The following MCTP2 variants were observed in gnomAD, a reference collection of about 807,000 sequenced individuals.
MCTP2 encodes multiple C2 and transmembrane domain-containing protein 2.
In MCTP2, 132 loss-of-function variants were observed where a neutral mutation model predicts 111.6. The observed-to-expected ratio is 1.18, with a 90% CI of 1.03 to 1.37. The LOEUF is 1.37. Ranked by LOEUF, MCTP2 falls within the 40% of genes most tolerant of loss-of-function variation. The pLI, the probability that MCTP2 is intolerant of heterozygous loss-of-function variation, is 0.00. For synonymous variants in MCTP2, 395 were observed against 387.7 expected (o/e 1.02, Z -0.22); for missense variants, 1,183 against 1,067.9 (o/e 1.11, Z -1.50).
chr15:94,243,188 C>T (rs1331237269), intron 1 of MCTP2, among the ~76,000 whole-genome samples: 4 of 146,516 alleles, frequency 2.7e-5, no homozygotes, highest in East Asian at 2.1e-4. Flanking sequence ...TGTACGTATG[C>T]GTATATACGT....
At chr15:94,294,941 C>CTTTTTTTTTT (rs71133001) in intron 1 of MCTP2, among the ~76,000 whole-genome samples, 1 of 73,988 alleles carries the variant, frequency 1.4e-5, no homozygotes, top group Non-Finnish European at 2.4e-5. Context: ...TTTTCTTTTC[C>CTTTTTTTTTT]TTTTTTTTTT....
intron 2 of MCTP2, among the ~76,000 whole-genome samples, chr15:94,305,880 T>C (rs1053059196): frequency 6.6e-6 from 1 of 152,154 alleles, no homozygotes; most frequent in Non-Finnish European, 1.5e-5. Flanking sequence ...ATTTTTTTCT[T>C]CTTATCTAGT....
intron 1 of MCTP2, among the ~76,000 whole-genome samples, chr15:94,246,366 C>T (rs117838043): frequency 0.038 from 5,769 of 152,214 alleles, 218 homozygotes; most frequent in East Asian, 0.12. Flanking sequence ...AATGAGTCGT[C>T]TAATAGTACC....
intron 1 of MCTP2, 61 bp downstream of exon 1, chr15:94,231,725 T>G (rs1401561114): frequency 2.0e-5 from 3 of 152,758 alleles, no homozygotes; most frequent in Non-Finnish European, 2.9e-5. Context: ...GGTCGCCGCC[T>G]GGGGGTGGGC....
intron 4 of MCTP2, among the ~76,000 whole-genome samples, chr15:94,337,653 C>G (rs1268602955): frequency 6.8e-6 from 1 of 148,068 alleles, no homozygotes; most frequent in Non-Finnish European, 1.5e-5. Flanking sequence ...CTTCTCAGAA[C>G]TGGCCCGAAC....
rs149453237 is a variant in MCTP2 at position 94,298,633 on chromosome 15, C to A, written c.368C>A (p.Ala123Asp). The change falls in exon 2 of 23, where the codon GCC (alanine) becomes GAC (aspartate). Residue 123 changes from alanine (A) to aspartate (D), a missense_variant. By Grantham distance (126) the Ala-to-Asp change is moderately radical. Transcript: ENST00000357742. ...GTGGTGGAAACAGACTCAGAGGAGGCCTATGCCTCTCCTGCTGAGCGGAGA... is the reference window on the plus strand; with the variant it reads ...GTGGTGGAAACAGACTCAGAGGAGGACTATGCCTCTCCTGCTGAGCGGAGA... The part of the protein sequence containing the change: ...LHVVETDSEE[A>D]YASPAERRRV... 3.2e-5 allele frequency: 51 copies of A among 1,613,952 alleles called. No individual in the cohort carries two copies. In the African/African-American group the frequency reaches 6.8e-4, roughly 22 times the overall value.
chr15:94,231,482 T>TC (rs1555436763), upstream of MCTP2: 1 of 152,276 alleles, frequency 6.6e-6, no homozygotes, highest in African/African-American at 2.4e-5. Context: ...TCCTCCCCTT[T>TC]AGGCGGGGCT....
chr15:94,268,803 AAG>A (rs1170176409), intron 1 of MCTP2, among the ~76,000 whole-genome samples: 6 of 145,288 alleles, frequency 4.1e-5, no homozygotes. Flanking sequence ...TTGAGGAGAT[AAG>A]AGTAGAGTCA....
intron 22 of MCTP2, 127 bp downstream of exon 22, chr15:94,476,920 G>A: frequency 1.6e-6 from 1 of 613,448 alleles, no homozygotes; most frequent in Non-Finnish European, 2.9e-6. Flanking sequence ...TCCTTAAAGA[G>A]GCCTGGCTTG....
chr15:94,348,621 C>T (rs925465115), intron 8 of MCTP2, among the ~76,000 whole-genome samples: 2 of 149,212 alleles, frequency 1.3e-5, no homozygotes, highest in South Asian at 2.2e-4. Flanking sequence ...CTTCTGTCAT[C>T]TTCTAGGTGA....
chr15:94,456,429 C>T (rs751061019), intron 19 of MCTP2, among the ~76,000 whole-genome samples: 6 of 152,154 alleles, frequency 3.9e-5, no homozygotes, highest in Non-Finnish European at 7.3e-5. Context: ...TGGATGCTGC[C>T]GAAAAGAGGA....
In MCTP2 at chr15:94,370,105, A is replaced by G. The variant is rs1231938712; in HGVS notation, c.1507A>G (p.Lys503Glu). ...TQRYCLQNSL[K>E]DVKDVGILQV... is the part of the protein sequence containing the mutation. Reference sequence around the variant, plus strand: ...CCCTCAGTGCTTACAGAACTCCCTGAAAGATGTGAAAGACGTCGGCATTCT... The same window carrying G: ...CCCTCAGTGCTTACAGAACTCCCTGGAAGATGTGAAAGACGTCGGCATTCT... Residue 503 changes from lysine to glutamate, a missense_variant, in exon 12 of 23, where the codon AAA (lysine) becomes GAA (glutamate). Transcript: ENST00000357742. 3 of 1,612,368 alleles carry G rather than the reference A, an allele frequency of 1.9e-6. No homozygotes were observed. The highest frequency in any genetic ancestry group is 1.6e-4 in the Middle Eastern group (1 of 6,074).
chr15:94,250,495 A>G (rs1013256775), intron 1 of MCTP2, among the ~76,000 whole-genome samples: 2 of 152,228 alleles, frequency 1.3e-5, no homozygotes, highest in African/African-American at 4.8e-5. Flanking sequence ...CTCTAAATCT[A>G]AAAACACATT....
At chr15:94,382,388 C>T (rs948885565) in intron 12 of MCTP2, among the ~76,000 whole-genome samples, 1 of 152,168 alleles carries the variant, frequency 6.6e-6, no homozygotes, top group African/African-American at 2.4e-5. Context: ...AATTGAAAAC[C>T]CTCACTCCTT....
chr15:94,296,926 T>G (rs910197016), intron 1 of MCTP2, among the ~76,000 whole-genome samples: 1 of 152,222 alleles, frequency 6.6e-6, no homozygotes, highest in South Asian at 2.1e-4. Context: ...GTCCTGACTT[T>G]TAGCAGGCAA....
In MCTP2 at chr15:94,298,587, G is replaced by A. The variant is rs1056652608; in HGVS notation, c.322G>A (p.Glu108Lys). The change falls in exon 2 of 23, where the codon GAA becomes AAA. Residue 108 changes from glutamate to lysine, a missense_variant. Coordinates refer to ENST00000357742, the MANE Select transcript of MCTP2 (RefSeq NM_001385001.1). The part of the protein sequence containing the change: ...QSEEELDWSQ[E>K]EASHLHVVET... ...TGAAGAAGAATTGGATTGGAGCCAG[G>A]AAGAAGCCAGTCACCTCCATGTGGT... 6.2e-7 allele frequency: 1 copy of A among 1,614,122 alleles called. No homozygotes were observed. Among genetic ancestry groups the A allele is most frequent in the Non-Finnish European group, 8.5e-7 (1 of 1,180,018 alleles).
intron 1 of MCTP2, among the ~76,000 whole-genome samples, chr15:94,296,235 A>T (rs918565596): frequency 6.6e-6 from 1 of 152,234 alleles, no homozygotes; most frequent in Admixed American, 6.5e-5. Context: ...CGTATTTGCA[A>T]GTCAAGTTAT....
intron 3 of MCTP2, 96 bp from the exon 4 acceptor site, chr15:94,315,433 C>T (rs1596336221): frequency 1.2e-6 from 1 of 803,474 alleles, no homozygotes. Context: ...ATCATAGTGG[C>T]CTTTCTTTTT....
chr15:94,352,563 G>A (rs919335971), intron 8 of MCTP2, among the ~76,000 whole-genome samples: 4 of 152,166 alleles, frequency 2.6e-5, no homozygotes, highest in African/African-American at 9.7e-5. Flanking sequence ...ATTAGGGTCA[G>A]GGGCCCGAAA....
Sources: allele counts gnomAD v4.1 joint callset (sites outside exome capture counted in the v4.1 genomes callset), GRCh38; gene constraint gnomAD v4.1.1; transcripts MANE v1.5; gene names NCBI Gene and HGNC (gene_info 2026-07-23, HGNC 2026-07-21).